The following MDC1 variants were observed in gnomAD, a reference collection of about 807,000 sequenced individuals.
The protein encoded by MDC1 is mediator of DNA damage checkpoint 1, also known as mediator of DNA damage checkpoint protein 1.
Under a neutral mutation model 142.5 loss-of-function variants are expected in MDC1, and 81 were observed. The ratio of observed to expected loss-of-function variants is 0.57; its 90% CI spans 0.47 to 0.68. The LOEUF is 0.68. MDC1 is among the 30% of genes least tolerant of loss of function. The probability of loss-of-function intolerance (pLI) is 0.00; values close to 1 mark genes in which losing one functional copy is unlikely to be tolerated. For synonymous variants in MDC1, 797 were observed against 968.4 expected, an observed-to-expected ratio of 0.82 and a Z score of 3.29; for missense variants, 2,119 against 2,547.9, an observed-to-expected ratio of 0.83 and a Z score of 3.62.
chr6:30,703,402 T>G lies in MDC1; in HGVS notation c.5682+16A>C. On this transcript the variant is annotated intron_variant, in intron 11 of 14. Transcript: ENST00000376406. The surrounding 1 kb of genome is among the most constrained non-coding windows in gnomAD (Gnocchi z 4.4). ...CATCTCTGTCTCCCACAAAGTCCCA[T>G]GCCTTTGTCTCTTACTTTGGGGGCT... The G allele has an allele frequency of 6.2e-7, 1 of 1,613,638 alleles. No individual in the cohort carries two copies.
chr6:30,705,555 G>A lies in MDC1; in HGVS notation c.3628C>T (p.Gln1210Ter). The change falls in exon 10 of 15, where the codon CAG becomes TAG. Residue 1210 changes from glutamine to a stop codon, truncating the protein, a stop_gained. Coordinates refer to ENST00000376406, the MANE Select transcript of MDC1 (RefSeq NM_014641.3). LOFTEE classifies it high-confidence loss of function. ...ETVVPTALEL[Q>*]PSTSTDRPVT... ...GGTCGGTCGGTGGAGGTGGAAGGCT[G>A]GAGCTCAAGGGCTGTGGGCACAACT... 6.2e-7 allele frequency: 1 copy of A among 1,607,182 alleles called. No individual in the cohort carries two copies. Among genetic ancestry groups the A allele is most frequent in the African/African-American group, 1.3e-5 (1 of 74,320 alleles).
chr6:30,710,759 C>T (rs1235416012), intron 7 of MDC1, among the ~76,000 whole-genome samples: 2 of 152,172 alleles, frequency 1.3e-5, no homozygotes, highest in Non-Finnish European at 2.9e-5. Flanking sequence ...TTCATATCTG[C>T]CTATTGTGAA....
intron 14 of MDC1, among the ~76,000 whole-genome samples, chr6:30,701,104 G>T (rs1268328430): frequency 1.4e-5 from 2 of 143,150 alleles, no homozygotes; most frequent in Non-Finnish European, 1.5e-5. Flanking sequence ...AAAAAAAAAA[G>T]AAATACTCTT....
At chr6:30,702,974 T>C in intron 12 of MDC1, 97 bp from the exon 13 acceptor site, 1 of 1,592,828 alleles carries the variant, frequency 6.3e-7, no homozygotes. Context: ...GTCTTTTAAA[T>C]CAATGCAGGC....
chr6:30,711,257 T>A (rs1236961968), intron 7 of MDC1, among the ~76,000 whole-genome samples, 155 bp downstream of exon 7: 1 of 152,052 alleles, frequency 6.6e-6, no homozygotes. Context: ...ACAGCTGTAA[T>A]CCCAGCTACC....
At position 30,703,233 on chromosome 6, in the gene MDC1, C is replaced by A. The variant is rs1402023842; in HGVS notation, c.5736G>T (p.Leu1912=). Residue 1912 remains leucine, a synonymous_variant, in exon 12 of 15, where the codon CTG becomes CTT. Coordinates refer to ENST00000376406, the MANE Select transcript of MDC1 (RefSeq NM_014641.3). This position sits in a 1 kb window ranked among gnomAD's most constrained non-coding sequence, Gnocchi z 4.4. The part of the protein sequence containing the change: ...DARGERAVLA[L]GGSLAGSAAE... ...CCGCTGAACCAGCCAGACTTCCCCC[C>A]AGTGCCAGCACAGCCCGCTCTCCCC... 5.0e-6 allele frequency: 8 copies of A among 1,612,994 alleles called. No individual in the cohort carries two copies. Among genetic ancestry groups the A allele is most frequent in the East Asian group, 2.2e-5 (1 of 44,896 alleles).
chr6:30,708,690 C>T (rs372378040), intron 7 of MDC1, among the ~76,000 whole-genome samples: 1 of 151,614 alleles, frequency 6.6e-6, no homozygotes, highest in African/African-American at 2.4e-5. Flanking sequence ...CCCATCTCTA[C>T]AAAAAATACA....
At chr6:30,714,923 G>GAA in intron 2 of MDC1, 117 bp downstream of exon 2, 47 of 970,700 alleles carry the variant, frequency 4.8e-5, no homozygotes, top group Non-Finnish European at 5.6e-5. Flanking sequence ...TTCCATTCAT[G>GAA]AAAAAAAAAA....
rs1353509219 is a variant in MDC1 at position 30,713,928 on chromosome 6, T to C, written c.392A>G (p.His131Arg). 1 of 1,613,206 alleles carries C rather than the reference T, an allele frequency of 6.2e-7. No homozygotes were observed. Among genetic ancestry groups the C allele is most frequent in the East Asian group, 2.2e-5 (1 of 44,894 alleles). ...ILFADLLCQY[H>R]RLDVSLPFVS... ...AAAGGGCAGAGAGACATCCAGGCGATGGTACTGGCAGAGCAAGTCAGCAAA... is the reference window on the plus strand; with the variant it reads ...AAAGGGCAGAGAGACATCCAGGCGACGGTACTGGCAGAGCAAGTCAGCAAA... Residue 131 changes from histidine (H) to arginine (R), a missense_variant, in exon 3 of 15, where the codon CAT (histidine) becomes CGT (arginine). By Grantham distance (29) the His-to-Arg change is conservative. Transcript: ENST00000376406. The surrounding 1 kb of genome is among the most constrained non-coding windows in gnomAD (Gnocchi z 4.9).
chr6:30,705,443 G>A lies in MDC1; in HGVS notation c.3740C>T (p.Ala1247Val). The change falls in exon 10 of 15, where the codon GCC becomes GTC. Residue 1247 changes from alanine to valine, a missense_variant. By Grantham distance (64) the Ala-to-Val change is moderately conservative. Coordinates refer to ENST00000376406, the MANE Select transcript of MDC1 (RefSeq NM_014641.3). ...GGAGGTGGAAGGCTGGAGCTCAGGG[G>A]CTGTGGGGACAACTGGTTCAGGGGT... ...VKTPEPVVPTAPELQPSTSTD... is the reference protein window; with the variant it reads ...VKTPEPVVPTVPELQPSTSTD... 1 of 1,611,932 alleles carries A rather than the reference G, an allele frequency of 6.2e-7. No individual in the cohort carries two copies. Among genetic ancestry groups the A allele is most frequent in the Non-Finnish European group, 8.5e-7 (1 of 1,179,390 alleles).
chr6:30,712,228 G>A lies in MDC1; in HGVS notation c.1714C>T (p.Pro572Ser), dbSNP rs2127714934. 1 of 1,612,982 alleles carries A rather than the reference G, an allele frequency of 6.2e-7. No individual in the cohort carries two copies. Among genetic ancestry groups the A allele is most frequent in the East Asian group, 2.2e-5 (1 of 44,890 alleles). ...TCTGTTTCACAGTCCCCATGCAGAG[G>A]CCAGGCTTCCTCTAGAGATACCACA... Reference protein sequence around the residue: ...LLVVSLEEAWPLHGDCETDAE... With the variant: ...LLVVSLEEAWSLHGDCETDAE... The change falls in exon 5 of 15, where the codon CCT becomes TCT. Residue 572 changes from proline to serine, a missense_variant. Coordinates refer to ENST00000376406, the MANE Select transcript of MDC1 (RefSeq NM_014641.3). This position sits in a 1 kb window ranked among gnomAD's most constrained non-coding sequence, Gnocchi z 4.7.
chr6:30,711,952 C>T lies in MDC1; in HGVS notation c.1990G>A (p.Glu664Lys). The T allele has an allele frequency of 2.6e-6, 4 of 1,566,090 alleles. No individual in the cohort carries two copies. Among genetic ancestry groups the T allele is most frequent in the Non-Finnish European group, 3.5e-6 (4 of 1,158,566 alleles). The change falls in exon 5 of 15, where the codon GAG becomes AAG. Residue 664 changes from glutamate (E) to lysine (K), a missense_variant. Transcript: ENST00000376406. ...TLGESTQPQR[E>K]GAQVPTGRER... ...CTTCCTGTGGGGACCTGGGCTCCCT[C>T]TCTCTGTGGCTGGGTGGATTCCCCT...
chr6:30,708,420 G>T, intron 7 of MDC1, 63 bp from the exon 8 acceptor site: 2 of 1,281,336 alleles, frequency 1.6e-6, no homozygotes, highest in South Asian at 1.2e-5. Flanking sequence ...GAGGAAGAGG[G>T]AAAGGGAAGT....
In MDC1 at chr6:30,712,343, T is replaced by C. The variant is rs749680199; in HGVS notation, c.1599A>G (p.Ser533=). Residue 533 remains serine, a synonymous_variant, in exon 5 of 15, where the codon TCA becomes TCG. Coordinates refer to ENST00000376406, the MANE Select transcript of MDC1 (RefSeq NM_014641.3). This position sits in a 1 kb window ranked among gnomAD's most constrained non-coding sequence, Gnocchi z 4.7. ...GATGCTTCTTTATATGTATAATGGC[T>C]GACCCTGGCGGGACTTCCTTCTCCA... ...TQVEKEVPPG[S]AIIHIKKHQV... 18 of 1,613,012 alleles carry C rather than the reference T, an allele frequency of 1.1e-5. No homozygotes were observed. In the Admixed American group the frequency reaches 2.8e-4, roughly 25 times the overall value.
In MDC1 at chr6:30,712,056, G is replaced by T. The variant is rs1562120544; in HGVS notation, c.1886C>A (p.Pro629Gln). The T allele has an allele frequency of 2.5e-6, 4 of 1,588,172 alleles. No homozygotes were observed. The highest frequency in any genetic ancestry group is 3.4e-6 in the Non-Finnish European group (4 of 1,168,090). The change falls in exon 5 of 15, where the codon CCA becomes CAA. Residue 629 changes from proline (P) to glutamine (Q), a missense_variant. By Grantham distance (76) the Pro-to-Gln change is moderately conservative (BLOSUM62 -1). Transcript: ENST00000376406. The surrounding 1 kb of genome is among the most constrained non-coding windows in gnomAD (Gnocchi z 4.7). The part of the protein sequence containing the change: ...RAHEVGAQGG[P>Q]PVAQVEQDLP... ...GTCCTGCTCCACTTGTGCCACAGGTGGCCCACCCTGGGCCCCCACCTCATG... is the reference window on the plus strand; with the variant it reads ...GTCCTGCTCCACTTGTGCCACAGGTTGCCCACCCTGGGCCCCCACCTCATG...
Position 30,716,554 on chromosome 6 carries a change from C to G in MDC1, c.-4+691G>C, listed in dbSNP as rs1775692376. ...AGCAAACCCTTTCCTGGCGTGTTCC[C>G]TGCCTTCTCGTGTTCCTGGTGTATC... On this transcript the variant is annotated intron_variant, in intron 1 of 14. Transcript: ENST00000376406. This position sits in a 1 kb window ranked among gnomAD's most constrained non-coding sequence, Gnocchi z 4.4. Among the ~76,000 whole-genome samples the G allele has an allele frequency of 6.6e-6, 1 of 152,188 alleles. No individual in the cohort carries two copies. Among genetic ancestry groups the G allele is most frequent in the Admixed American group, 6.5e-5 (1 of 15,274 alleles).
chr6:30,705,154 G>T lies in MDC1; in HGVS notation c.4029C>A (p.Thr1343=), dbSNP rs1581555015. The change falls in exon 10 of 15, where the codon ACC becomes ACA. Residue 1343 remains threonine (T), a synonymous_variant. Coordinates refer to ENST00000376406, the MANE Select transcript of MDC1 (RefSeq NM_014641.3). The part of the protein sequence containing the change: ...QISTSTDQPV[T]PKPTSRTTRS... ...TAGTGGTCCGAGATGTGGGCTTAGG[G>T]GTGACAGGTTGGTCTGTGGAGGTGG... 6.2e-7 allele frequency: 1 copy of T among 1,604,022 alleles called. No individual in the cohort carries two copies. The highest frequency in any genetic ancestry group is 1.4e-5 in the African/African-American group (1 of 73,430).
chr6:30,711,866 G>A lies in MDC1; in HGVS notation c.2068+8C>T, dbSNP rs1208550683. ...TTCAGAGGTCTAGGAAGGAAGGCCA[G>A]CACTTACCACCATAGTTGTCTTCAG... On this transcript the variant is annotated splice_region_variant and intron_variant, in intron 5 of 14. Transcript: ENST00000376406. The A allele has an allele frequency of 5.2e-6, 8 of 1,536,318 alleles. No homozygotes were observed. In the African/African-American group the frequency reaches 1.1e-4, roughly 21 times the overall value.
rs1256876449 is a variant in MDC1 at position 30,702,599 on chromosome 6, CTAA to C, written c.6053_6055del (p.Ile2018del). 1 of 1,610,852 alleles carries C rather than the reference CTAA, an allele frequency of 6.2e-7. No individual in the cohort carries two copies. Among genetic ancestry groups the C allele is most frequent in the South Asian group, 1.1e-5 (1 of 90,730 alleles). On this transcript the variant is annotated inframe_deletion, in exon 14 of 15. Transcript: ENST00000376406. ...GGGTAGGTATGTGCCTCCACAGCAG[CTAA>C]TAATCTCTCCCATCTGAGGTGGTGG...
Sources: gnomAD v4.1 joint callset for allele counts (sites outside exome capture counted in the v4.1 genomes callset) on GRCh38, gnomAD v4.1.1 for gene constraint, Gnocchi (gnomAD v3.1) non-coding constraint, MANE v1.5 for transcripts, NCBI Gene and HGNC (gene_info 2026-07-23, HGNC 2026-07-21) for gene names.